ZFC3H1: variants seen among roughly 807,000 people sequenced by gnomAD.
ZFC3H1 encodes zinc finger C3H1 domain-containing protein.
In ZFC3H1, 71 loss-of-function variants were observed where a neutral mutation model predicts 243.7. The observed-to-expected ratio is 0.29, with a 90% CI of 0.24 to 0.36. The LOEUF (loss-of-function observed/expected upper bound fraction) is 0.36, where lower values mean the gene tolerates loss of function less well. Among genes scored for constraint, ZFC3H1 ranks in the 10% least tolerant of loss-of-function variants. The pLI, the probability that ZFC3H1 is intolerant of heterozygous loss-of-function variation, is 1.00. For synonymous variants in ZFC3H1, 838 were observed against 813.0 expected, an observed-to-expected ratio of 1.03 and a Z score of -0.52; for missense variants, 1,966 against 2,317.1, an observed-to-expected ratio of 0.85 and a Z score of 3.11.
At chr12:71,656,130 C>G (rs143506840) in intron 2 of ZFC3H1, among the ~76,000 whole-genome samples, 1 of 152,010 alleles carries the variant, frequency 6.6e-6, no homozygotes, top group Admixed American at 6.6e-5. Context: ...GGCTGAGGGA[C>G]GGGATAACTA....
intron 20 of ZFC3H1, among the ~76,000 whole-genome samples, chr12:71,628,524 G>C (rs17110044): frequency 6.6e-6 from 1 of 152,000 alleles, no homozygotes; most frequent in South Asian, 2.1e-4. Flanking sequence ...CATCTTTTGA[G>C]CCTTCTGCAT....
chr12:71,649,106 AAAAAG>A (rs1555181236), intron 2 of ZFC3H1, among the ~76,000 whole-genome samples: 22 of 151,536 alleles, frequency 1.5e-4, no homozygotes, highest in East Asian at 2.0e-4. Context: ...AAAAAAAAAA[AAAAAG>A]AAAAGAAAAG....
At chr12:71,635,296 A>G in intron 10 of ZFC3H1, 147 bp downstream of exon 10, 1 of 1,000,536 alleles carries the variant, frequency 1.0e-6, no homozygotes, top group Non-Finnish European at 1.4e-6. Flanking sequence ...CATTATATAA[A>G]GTCCTAATAG....
intron 22 of ZFC3H1, 25 bp from the exon 23 acceptor site, chr12:71,624,317 T>C: frequency 6.4e-7 from 1 of 1,551,306 alleles, no homozygotes; most frequent in Non-Finnish European, 8.7e-7. Flanking sequence ...TTTATATTAT[T>C]AATGTTGCCT....
Position 71,636,384 on chromosome 12 carries a change from A to C in ZFC3H1, c.2100+106T>G, listed in dbSNP as rs917623529. On this transcript the variant is annotated intron_variant, in intron 9 of 34. Coordinates refer to ENST00000378743, the MANE Select transcript of ZFC3H1 (RefSeq NM_144982.5). ...AAAATTTGTATTTATATGTGAATAT[A>C]TGTGTGTATATAAATAAACCAAGGG... 6.7e-6 allele frequency: 6 copies of C among 898,876 alleles called. No homozygotes were observed. The African/African-American group carries it at 1.0e-4, about 15-fold the overall frequency. 55.7% of individuals were successfully genotyped at this position (898,876 alleles called of 1,614,324 possible). A position where few individuals can be genotyped will look rare whatever the true frequency, so the allele number is the denominator to read the frequency against.
At chr12:71,630,397 T>C (rs542618622) in intron 18 of ZFC3H1, among the ~76,000 whole-genome samples, 6 of 152,304 alleles carry the variant, frequency 3.9e-5, no homozygotes, top group South Asian at 2.1e-4. Flanking sequence ...CATGTGGCCA[T>C]TGGGTACTTG....
At chr12:71,633,832 A>G (rs1398160510) in intron 12 of ZFC3H1, among the ~76,000 whole-genome samples, 2 of 152,086 alleles carry the variant, frequency 1.3e-5, no homozygotes, top group Non-Finnish European at 2.9e-5. Context: ...ATTTTTTTGT[A>G]TTTTTAGTAG....
Position 71,652,451 on chromosome 12 carries a change from G to A in ZFC3H1, c.1015+4434C>T, listed in dbSNP as rs79331009. 2.8e-3 allele frequency among the ~76,000 whole-genome samples: 420 copies of A among 152,136 alleles called. 2 individuals carry two copies. The highest frequency in any genetic ancestry group is 9.3e-3 in the African/African-American group (386 of 41,492). Reference sequence around the variant, plus strand: ...TCCAACCACTCACCAAAAAAATACCGTTATCTCTCACACTGCACACATATT... The same window carrying A: ...TCCAACCACTCACCAAAAAAATACCATTATCTCTCACACTGCACACATATT... On this transcript the variant is annotated intron_variant, in intron 2 of 34. Transcript: ENST00000378743.
intron 2 of ZFC3H1, among the ~76,000 whole-genome samples, chr12:71,652,093 A>G (rs1186642342): frequency 1.3e-5 from 2 of 152,210 alleles, no homozygotes; most frequent in Non-Finnish European, 2.9e-5. Flanking sequence ...AAGGTATAGA[A>G]GAGTTGTCAA....
At chr12:71,629,310 C>A (rs993544565) in intron 19 of ZFC3H1, among the ~76,000 whole-genome samples, 9 of 151,760 alleles carry the variant, frequency 5.9e-5, no homozygotes, top group African/African-American at 2.2e-4. Flanking sequence ...AGGCTGCAGG[C>A]ACACGCCACC....
At chr12:71,623,952 A>C in intron 23 of ZFC3H1, 152 bp downstream of exon 23, 2 of 734,748 alleles carry the variant, frequency 2.7e-6, no homozygotes, top group Non-Finnish European at 4.3e-6. Context: ...TCATAAACTT[A>C]CCCAATGTCA....
At position 71,631,085 on chromosome 12, in the gene ZFC3H1, A is replaced by G. The variant is rs1247970649; in HGVS notation, c.3471-131T>C. ...ATTTATGAGCTATTTATCTAATTAAATTAATGCCAAAATTAATTCGAGAAA... is the reference window on the plus strand; with the variant it reads ...ATTTATGAGCTATTTATCTAATTAAGTTAATGCCAAAATTAATTCGAGAAA... On this transcript the variant is annotated intron_variant, in intron 16 of 34. Coordinates refer to ENST00000378743, the MANE Select transcript of ZFC3H1 (RefSeq NM_144982.5). 7 of 920,776 alleles carry G rather than the reference A, an allele frequency of 7.6e-6. No homozygotes were observed. The East Asian group carries it at 8.8e-5, about 12-fold the overall frequency. The allele number at this position is 920,776 out of a possible 1,614,324, so 57.0% of individuals were successfully genotyped here.
chr12:71,638,309 T>C, intron 7 of ZFC3H1, 109 bp downstream of exon 7: 1 of 1,031,544 alleles, frequency 9.7e-7, no homozygotes, highest in Non-Finnish European at 1.4e-6. Flanking sequence ...TAATTCTTGG[T>C]AAGCAATTCT....
In ZFC3H1 at chr12:71,663,095, G is replaced by A; in HGVS notation, c.516C>T (p.Cys172=). 1 of 1,614,068 alleles carries A rather than the reference G, an allele frequency of 6.2e-7. No individual in the cohort carries two copies. Residue 172 remains cysteine (C), a synonymous_variant, in exon 1 of 35, where the codon TGC becomes TGT. Transcript: ENST00000378743. ...CTGCTCCTCCTCCCAGAGGAGGTCT[G>A]CACCCCGGCTTGCCTCCTCGCTCAC... ...GVGERGGKPG[C]RPPLGGGAGS...
At chr12:71,626,768 T>G (rs1880178352) in intron 21 of ZFC3H1, among the ~76,000 whole-genome samples, 1 of 152,222 alleles carries the variant, frequency 6.6e-6, no homozygotes, top group Admixed American at 6.5e-5. Context: ...CCTTTTATGA[T>G]TTACACCATT....
intron 1 of ZFC3H1, among the ~76,000 whole-genome samples, 198 bp downstream of exon 1, chr12:71,662,805 CACGTTAATAT>C (rs373581982): frequency 1.2e-4 from 19 of 152,230 alleles, no homozygotes; most frequent in African/African-American, 4.6e-4. Context: ...CAATCCACAG[CACGTTAATAT>C]ACCCAATGAA....
chr12:71,636,384 A>G (rs917623529), intron 9 of ZFC3H1, 106 bp downstream of exon 9: 10 of 898,876 alleles, frequency 1.1e-5, no homozygotes, highest in Non-Finnish European at 1.6e-5. Context: ...ATGTGAATAT[A>G]TGTGTGTATA....
chr12:71,634,184 T>C lies in ZFC3H1; in HGVS notation c.2481A>G (p.Thr827=), dbSNP rs759982204. ...GRIAMVTKQV[T]DAESKLKKHR... ...GTTTTTTCAGTTTTGATTCTGCATC[T>C]GTAACCTGCTTAGTAACCATTGCTA... is the stretch of plus-strand genomic sequence containing the variant. The change falls in exon 12 of 35, where the codon ACA becomes ACG. Residue 827 remains threonine, a synonymous_variant. Coordinates refer to ENST00000378743, the MANE Select transcript of ZFC3H1 (RefSeq NM_144982.5). The C allele has an allele frequency of 6.2e-7, 1 of 1,613,556 alleles. No individual in the cohort carries two copies. The highest frequency in any genetic ancestry group is 8.5e-7 in the Non-Finnish European group (1 of 1,179,824).
chr12:71,619,468 C>G (rs768082689), intron 26 of ZFC3H1, 59 bp from the exon 27 acceptor site: 25 of 1,508,490 alleles, frequency 1.7e-5, no homozygotes, highest in African/African-American at 1.4e-5. Context: ...ATTAAAATGT[C>G]ACGAGGGAGA....
Sources: gnomAD v4.1 joint callset for allele counts (sites outside exome capture counted in the v4.1 genomes callset) on GRCh38, gnomAD v4.1.1 for gene constraint, MANE v1.5 for transcripts, NCBI Gene and HGNC (gene_info 2026-07-23, HGNC 2026-07-21) for gene names.